The following SCNN1G variants were observed in gnomAD, a reference collection of about 807,000 sequenced individuals.
SCNN1G encodes the protein sodium channel epithelial 1 subunit gamma, also known as epithelial sodium channel subunit gamma.
A neutral mutation model predicts 64.6 loss-of-function variants in SCNN1G; 27 were observed. That is an observed-to-expected ratio of 0.42 (90% CI 0.31 to 0.58). The LOEUF (loss-of-function observed/expected upper bound fraction) is 0.58, where lower values mean the gene tolerates loss of function less well. SCNN1G is among the 20% of genes least tolerant of loss of function. The probability of loss-of-function intolerance (pLI) is 0.18; values close to 1 mark genes in which losing one functional copy is unlikely to be tolerated. For missense variants in SCNN1G, 743 were observed against 823.4 expected (o/e 0.90, Z 1.19); for synonymous variants, 330 against 314.2 (o/e 1.05, Z -0.53).
intron 2 of SCNN1G, among the ~76,000 whole-genome samples, chr16:23,188,693 C>T (rs1959654465): frequency 1.3e-5 from 2 of 152,112 alleles, no homozygotes; most frequent in Admixed American, 1.3e-4. Flanking sequence ...GATGGGGAAC[C>T]TAAACTCAGG....
chr16:23,192,666 C>T (rs1959728773), intron 4 of SCNN1G, 124 bp downstream of exon 4: 2 of 782,538 alleles, frequency 2.6e-6, no homozygotes, highest in African/African-American at 1.7e-5. Flanking sequence ...CTCACTGATG[C>T]TGCCTTTTGG....
chr16:23,196,706 C>T (rs997075954), intron 5 of SCNN1G, among the ~76,000 whole-genome samples: 4 of 152,208 alleles, frequency 2.6e-5, no homozygotes, highest in African/African-American at 9.7e-5. Context: ...ACAGCCGATC[C>T]ATGGCAGAGC....
Position 23,215,672 on chromosome 16 carries a change from C to T in SCNN1G, c.*203C>T. On this transcript the variant is annotated 3_prime_UTR_variant, in exon 13 of 13. Coordinates refer to ENST00000300061, the MANE Select transcript of SCNN1G (RefSeq NM_001039.4). Reference sequence around the variant, plus strand: ...CCATCGGGTACTACGCAGCAACACTCACAACTGTCCAGGCTGAGATAAATC... The same window carrying T: ...CCATCGGGTACTACGCAGCAACACTTACAACTGTCCAGGCTGAGATAAATC... 2 of 623,528 alleles carry T rather than the reference C, an allele frequency of 3.2e-6. No individual in the cohort carries two copies. Among genetic ancestry groups the T allele is most frequent in the South Asian group, 1.9e-5 (1 of 52,502 alleles). 38.6% of individuals were successfully genotyped at this position (623,528 alleles called of 1,614,324 possible). A position where few individuals can be genotyped will look rare whatever the true frequency, so the allele number is the denominator to read the frequency against.
At chr16:23,185,805 T>G (rs1959596290) in intron 1 of SCNN1G, among the ~76,000 whole-genome samples, 2 of 151,930 alleles carry the variant, frequency 1.3e-5, no homozygotes, top group Non-Finnish European at 2.9e-5. Flanking sequence ...GGGGGCATAA[T>G]GAGATAGGAA....
chr16:23,196,318 G>A (rs1959794688), intron 5 of SCNN1G: 1 of 152,246 alleles, frequency 6.6e-6, no homozygotes. Flanking sequence ...ACAGAAATAA[G>A]ACCAGTGTGC....
intron 7 of SCNN1G, 120 bp from the exon 8 acceptor site, chr16:23,211,914 A>G: frequency 1.3e-6 from 1 of 781,872 alleles, no homozygotes; most frequent in Non-Finnish European, 2.3e-6. Flanking sequence ...CATAAGGGGC[A>G]GGTTCATGTG....
intron 6 of SCNN1G, among the ~76,000 whole-genome samples, chr16:23,208,539 C>T (rs749699869): frequency 2.6e-5 from 4 of 151,948 alleles, no homozygotes; most frequent in Non-Finnish European, 4.4e-5. Flanking sequence ...TTCACCTGAG[C>T]GAGAATCCCA....
In SCNN1G at chr16:23,186,567, T is replaced by C. The variant is rs376267569; in HGVS notation, c.296T>C (p.Ile99Thr). The C allele has an allele frequency of 1.9e-6, 3 of 1,612,966 alleles. No homozygotes were observed. The African/African-American group carries it at 4.0e-5, about 22-fold the overall frequency. ...AAGCTGGATTTTCCTGCAGTCACCA[T>C]CTGCAACATCAACCCCTACAAGTAA... Reference protein sequence around the residue: ...FRKLDFPAVTICNINPYKYST... With the variant: ...FRKLDFPAVTTCNINPYKYST... The change falls in exon 2 of 13, where the codon ATC (isoleucine) becomes ACC (threonine). Residue 99 changes from isoleucine (I) to threonine (T), a missense_variant. Ile to Thr is a moderately conservative substitution (Grantham distance 89). Transcript: ENST00000300061.
intron 5 of SCNN1G, among the ~76,000 whole-genome samples, chr16:23,195,639 G>A (rs992889629): frequency 6.6e-6 from 1 of 152,212 alleles, no homozygotes; most frequent in Admixed American, 6.5e-5. Context: ...GTGAAAAGTT[G>A]CAGAGTACTG....
intron 6 of SCNN1G, among the ~76,000 whole-genome samples, chr16:23,203,718 C>G (rs188075703): frequency 8.0e-6 from 1 of 124,952 alleles, no homozygotes; most frequent in African/African-American, 3.0e-5. Flanking sequence ...TGCGGTGAGC[C>G]GAGATCATGC....
At chr16:23,190,126 A>C (rs922446270) in intron 3 of SCNN1G, among the ~76,000 whole-genome samples, 36 of 151,906 alleles carry the variant, frequency 2.4e-4, no homozygotes, top group African/African-American at 8.2e-4. Flanking sequence ...ACAAATACCT[A>C]ATGCATGCGG....
rs1224102150 is a variant in SCNN1G at position 23,189,674 on chromosome 16, A to C, written c.618+3A>C. The C allele has an allele frequency of 6.2e-7, 1 of 1,613,980 alleles. No individual in the cohort carries two copies. The highest frequency in any genetic ancestry group is 8.5e-7 in the Non-Finnish European group (1 of 1,179,808). On this transcript the variant is annotated splice_donor_region_variant and intron_variant, in intron 3 of 12. Coordinates refer to ENST00000300061, the MANE Select transcript of SCNN1G (RefSeq NM_001039.4). The stretch of plus-strand genomic sequence containing the variant: ...AGCAAGTGGTGGGATTCCAACTGGT[A>C]AGATTTCACCTTCTCATTCTTTCAC...
rs1596780273 is a variant in SCNN1G, at chr16:23,216,281, G to A, written c.*812G>A. ...CTTCATGATTTTGCATCCAATTCGT[G>A]TCTGTGCCTTTTAAAGGGTGAGGTC... On this transcript the variant is annotated 3_prime_UTR_variant, in exon 13 of 13. Coordinates refer to ENST00000300061, the MANE Select transcript of SCNN1G (RefSeq NM_001039.4). 6.6e-6 allele frequency: 1 copy of A among 152,590 alleles called. No individual in the cohort carries two copies. The highest frequency in any genetic ancestry group is 1.9e-4 in the East Asian group (1 of 5,178). 9.5% of individuals were successfully genotyped at this position (152,590 alleles called of 1,614,324 possible). A position where few individuals can be genotyped will look rare whatever the true frequency, so the allele number is the denominator to read the frequency against.
chr16:23,210,617 G>A (rs1456329232), intron 7 of SCNN1G, among the ~76,000 whole-genome samples: 1 of 152,088 alleles, frequency 6.6e-6, no homozygotes, highest in Non-Finnish European at 1.5e-5. Context: ...CCTCCTACCA[G>A]GATACCCCAG....
At position 23,209,853 on chromosome 16, in the gene SCNN1G, CAG is replaced by C; in HGVS notation, c.1176+7_1176+8del. ...AACGCTGCCTACTCGCTCCAGGTAA[CAG>C]ATTGGCAGGGGCACCCAGCCCTGGG... On this transcript the variant is annotated splice_donor_region_variant and intron_variant, in intron 7 of 12. Coordinates refer to ENST00000300061, the MANE Select transcript of SCNN1G (RefSeq NM_001039.4). The C allele has an allele frequency of 6.2e-7, 1 of 1,608,422 alleles. No individual in the cohort carries two copies. The highest frequency in any genetic ancestry group is 8.5e-7 in the Non-Finnish European group (1 of 1,174,758).
Position 23,215,623 on chromosome 16 carries a change from G to T in SCNN1G, c.*154G>T, listed in dbSNP as rs571729989. On this transcript the variant is annotated 3_prime_UTR_variant, in exon 13 of 13. Coordinates refer to ENST00000300061, the MANE Select transcript of SCNN1G (RefSeq NM_001039.4). The stretch of plus-strand genomic sequence containing the variant: ...AAAGCCTGCTTTAAACCGCAAGATG[G>T]GGCCTGGGCATGCGCAGGAGGAGCC... 8.5e-3 allele frequency: 7,125 copies of T among 842,170 alleles called. 456 individuals carry two copies. In the South Asian group the frequency reaches 0.1, roughly 12 times the overall value. 52.2% of individuals were successfully genotyped at this position (842,170 alleles called of 1,614,324 possible). A position where few individuals can be genotyped will look rare whatever the true frequency, so the allele number is the denominator to read the frequency against.
intron 3 of SCNN1G, among the ~76,000 whole-genome samples, chr16:23,190,953 C>T (rs1189558083): frequency 6.8e-6 from 1 of 147,708 alleles, no homozygotes; most frequent in Admixed American, 7.0e-5. Context: ...AAGTGATTCT[C>T]CTGCCTCAGC....
At chr16:23,208,065 T>C (rs1960019049) in intron 6 of SCNN1G, among the ~76,000 whole-genome samples, 5 of 152,252 alleles carry the variant, frequency 3.3e-5, no homozygotes, top group Admixed American at 3.3e-4. Flanking sequence ...TTATCTTCCA[T>C]TGAGTTGCTG....
chr16:23,195,546 T>C (rs997849708), intron 5 of SCNN1G, among the ~76,000 whole-genome samples: 2 of 152,220 alleles, frequency 1.3e-5, no homozygotes, highest in Non-Finnish European at 2.9e-5. Flanking sequence ...TGTCCCTGTG[T>C]AGTCTGTGCT....
Sources: allele counts gnomAD v4.1 joint callset (sites outside exome capture counted in the v4.1 genomes callset), GRCh38; gene constraint gnomAD v4.1.1; transcripts MANE v1.5; gene names NCBI Gene and HGNC (gene_info 2026-07-23, HGNC 2026-07-21).